The following PTK2 variants were observed in gnomAD, a reference collection of about 807,000 sequenced individuals.
The protein encoded by PTK2 is focal adhesion kinase 1.
Under a neutral mutation model 150.1 loss-of-function variants are expected in PTK2, and 45 were observed. That is an observed-to-expected ratio of 0.30 (90% CI 0.24 to 0.38). The LOEUF is 0.38. Among genes scored for constraint, PTK2 ranks in the 10% least tolerant of loss-of-function variants. PTK2 has a pLI of 1.00. For synonymous variants in PTK2, 432 were observed against 449.2 expected (o/e 0.96, Z 0.48); for missense variants, 919 against 1,307.3 (o/e 0.70, Z 4.58).
chr8:140,857,306 G>A (rs561522572), intron 5 of PTK2, among the ~76,000 whole-genome samples: 2 of 152,112 alleles, frequency 1.3e-5, no homozygotes, highest in Non-Finnish European at 2.9e-5. Flanking sequence ...GACTGAAAAG[G>A]GCATCTCAAG....
chr8:140,670,485 AACAACACACACACACACACACAC>A lies in PTK2; in HGVS notation c.2710-2084_2710-2062del, dbSNP rs1337218511. On this transcript the variant is annotated intron_variant, in intron 29 of 31. Coordinates refer to ENST00000522684, the Ensembl canonical transcript of PTK2. ...AAAAAAAAAAAAAAAAAAAAAAAAC[AACAACACACACACACACACACAC>A]ACACACACACACACACACACACACA... Among the ~76,000 whole-genome samples the A allele has an allele frequency of 9.8e-3, 361 of 36,964 alleles. 13 individuals are homozygous for A. The highest frequency in any genetic ancestry group is 0.017 in the South Asian group (19 of 1,146). 24.2% of individuals were successfully genotyped at this position (36,964 alleles called of 152,430 possible). A position where few individuals can be genotyped will look rare whatever the true frequency, so the allele number is the denominator to read the frequency against.
At chr8:140,771,907 G>C (rs183874412) in intron 14 of PTK2, among the ~76,000 whole-genome samples, 1 of 151,194 alleles carries the variant, frequency 6.6e-6, no homozygotes, top group Admixed American at 6.6e-5. Flanking sequence ...AGCCTCCCGC[G>C]TAGCTGGGAT....
intron 1 of PTK2, among the ~76,000 whole-genome samples, chr8:140,957,359 G>A (rs1258540854): frequency 6.6e-6 from 1 of 152,056 alleles, no homozygotes; most frequent in African/African-American, 2.4e-5. Flanking sequence ...GCCCGGGAAG[G>A]GGCTCACATT....
chr8:140,862,081 A>T (rs2100136516), intron 5 of PTK2, among the ~76,000 whole-genome samples: 1 of 152,238 alleles, frequency 6.6e-6, no homozygotes, highest in African/African-American at 2.4e-5. Flanking sequence ...CCAACAAAGA[A>T]AAAGTAGGAC....
exon 18 of PTK2, chr8:140,746,837 G>C (rs750472122): frequency 1.6e-5 from 26 of 1,612,046 alleles, no homozygotes; most frequent in South Asian, 5.5e-5. Flanking sequence ...ACAATATGAG[G>C]ATGGTCAAAC....
intron 1 of PTK2, among the ~76,000 whole-genome samples, chr8:140,934,801 A>C (rs1260412234): frequency 6.6e-6 from 1 of 152,244 alleles, no homozygotes; most frequent in East Asian, 1.9e-4. Context: ...TTATAGACTT[A>C]TTCCTATTTT....
chr8:140,907,174 A>AT (rs1200314393), intron 2 of PTK2, among the ~76,000 whole-genome samples: 1 of 152,188 alleles, frequency 6.6e-6, no homozygotes, highest in Non-Finnish European at 1.5e-5. Flanking sequence ...TGCTTGCTTT[A>AT]TCTTGTGCTG....
chr8:140,894,592 T>A (rs1162025765), intron 2 of PTK2, among the ~76,000 whole-genome samples: 1 of 152,180 alleles, frequency 6.6e-6, no homozygotes, highest in East Asian at 1.9e-4. Context: ...ATTGACTAAG[T>A]ATGAATTCCA....
chr8:140,771,166 A>G (rs1166880661), intron 14 of PTK2: 1 of 153,346 alleles, frequency 6.5e-6, no homozygotes, highest in Non-Finnish European at 1.5e-5. Context: ...ACATTCAACC[A>G]TAGCAGAAAA....
chr8:140,858,545 C>T (rs1237806845), intron 5 of PTK2, among the ~76,000 whole-genome samples: 1 of 151,764 alleles, frequency 6.6e-6, no homozygotes, highest in Non-Finnish European at 1.5e-5. Context: ...AGACAGGTCA[C>T]CTACACAGAA....
rs566846839 is a variant in PTK2, at chr8:140,760,528, A to G, written c.1332+637T>C. ...TTATACAAAATGTCCAGAATATACA[A>G]ATCTATAGATACAGAAAGTGGATGA... On this transcript the variant is annotated intron_variant, in intron 16 of 31. Transcript: ENST00000522684. 2.0e-5 allele frequency among the ~76,000 whole-genome samples: 3 copies of G among 152,318 alleles called. No individual in the cohort carries two copies. The South Asian group carries it at 6.2e-4, about 32-fold the overall frequency.
exon 4 of PTK2, chr8:140,879,526 C>A: frequency 1.2e-6 from 2 of 1,613,642 alleles, no homozygotes; most frequent in Non-Finnish European, 1.7e-6. Flanking sequence ...CTGGAGACGC[C>A]CATATCCACG....
At chr8:140,892,489 T>C in intron 2 of PTK2, 2 of 297,512 alleles carry the variant, frequency 6.7e-6, no homozygotes, top group South Asian at 5.5e-5. Context: ...TGAGCCGAGA[T>C]CGTGCCACTG....
At chr8:140,718,694 A>T (rs1012903886) in intron 22 of PTK2, 2 of 152,204 alleles carry the variant, frequency 1.3e-5, no homozygotes, top group Non-Finnish European at 2.9e-5. Context: ...CAACTGTTTA[A>T]AAAGACATTC....
chr8:140,788,245 A>C (rs981040192), intron 14 of PTK2, among the ~76,000 whole-genome samples: 2 of 152,234 alleles, frequency 1.3e-5, no homozygotes, highest in Non-Finnish European at 2.9e-5. Context: ...TTAGGAAGTG[A>C]GCAATGATTT....
intron 2 of PTK2, among the ~76,000 whole-genome samples, chr8:140,925,049 T>G (rs1351824572): frequency 6.6e-6 from 1 of 152,236 alleles, no homozygotes; most frequent in African/African-American, 2.4e-5. Context: ...GGAAATGTAC[T>G]ACTTGTAAAT....
At chr8:140,868,331 AC>A (rs1209079093) in intron 4 of PTK2, among the ~76,000 whole-genome samples, 1 of 152,248 alleles carries the variant, frequency 6.6e-6, no homozygotes, top group Non-Finnish European at 1.5e-5. Context: ...GTCTGTTCTT[AC>A]AATAGACTTC....
intron 26 of PTK2, among the ~76,000 whole-genome samples, chr8:140,695,393 G>A (rs2100025906): frequency 1.3e-5 from 2 of 151,520 alleles, no homozygotes; most frequent in African/African-American, 4.9e-5. Flanking sequence ...CAGTCAGCAA[G>A]CAACGCTAAG....
At chr8:140,775,852 T>C (rs1474007868) in intron 14 of PTK2, among the ~76,000 whole-genome samples, 1 of 152,236 alleles carries the variant, frequency 6.6e-6, no homozygotes, top group East Asian at 1.9e-4. Flanking sequence ...ATTTAGCTGC[T>C]TATTTTGAAA....
Sources: gnomAD v4.1 joint callset for allele counts (sites outside exome capture counted in the v4.1 genomes callset) on GRCh38, gnomAD v4.1.1 for gene constraint, MANE v1.5 for transcripts, NCBI Gene and HGNC (gene_info 2026-07-23, HGNC 2026-07-21) for gene names.